Variants in PTCHD4 observed in about 807,000 individuals in gnomAD.
PTCHD4 encodes the protein patched domain-containing protein 4.
A neutral mutation model predicts 58.1 loss-of-function variants in PTCHD4; 33 were observed. The ratio of observed to expected loss-of-function variants is 0.57; its 90% confidence interval spans 0.43 to 0.76. The LOEUF is 0.76. Among genes scored for constraint, PTCHD4 ranks in the 30% least tolerant of loss-of-function variants. The pLI is 0.00. For missense variants in PTCHD4, 1,058 were observed against 1,027.1 expected, an observed-to-expected ratio of 1.03 and a Z score of -0.41; for synonymous variants, 478 against 409.6, an observed-to-expected ratio of 1.17 and a Z score of -2.02.
At chr6:47,903,431 C>T (rs113271961) in intron 4 of PTCHD4, among the ~76,000 whole-genome samples, 2,714 of 152,216 alleles carry the variant, frequency 0.018, 29 homozygotes, top group South Asian at 0.05. Flanking sequence ...ATTCTCTCAC[C>T]TCAGCCTCCC....
At chr6:48,067,586 G>A (rs549906393) in intron 3 of PTCHD4, among the ~76,000 whole-genome samples, 2 of 152,120 alleles carry the variant, frequency 1.3e-5, no homozygotes, top group African/African-American at 4.8e-5. Context: ...CACTCACACG[G>A]CACCAAAACA....
intron 3 of PTCHD4, among the ~76,000 whole-genome samples, chr6:48,014,820 C>T (rs1208445436): frequency 6.6e-6 from 1 of 152,004 alleles, no homozygotes; most frequent in Non-Finnish European, 1.5e-5. Context: ...GAAGTTAAAC[C>T]TACTAAAGGG....
At chr6:47,962,853 A>G (rs1245588546) in intron 4 of PTCHD4, among the ~76,000 whole-genome samples, 2 of 151,986 alleles carry the variant, frequency 1.3e-5, no homozygotes, top group Admixed American at 6.6e-5. Context: ...ACAAGGTAAC[A>G]AATAACCTGA....
At chr6:47,948,644 T>C (rs1485273377) in intron 4 of PTCHD4, among the ~76,000 whole-genome samples, 1 of 152,206 alleles carries the variant, frequency 6.6e-6, no homozygotes, top group Non-Finnish European at 1.5e-5. Flanking sequence ...TGGATTTCTG[T>C]ACTATTCTTC....
At chr6:48,096,750 C>T (rs935932325) in intron 1 of PTCHD4, among the ~76,000 whole-genome samples, 4 of 152,034 alleles carry the variant, frequency 2.6e-5, no homozygotes, top group Non-Finnish European at 4.4e-5. Context: ...TCTATGCTAC[C>T]TTGGAGAATT....
At chr6:47,915,570 G>A (rs985804572) in intron 4 of PTCHD4, among the ~76,000 whole-genome samples, 1 of 80,384 alleles carries the variant, frequency 1.2e-5, no homozygotes, top group Admixed American at 1.7e-4. Flanking sequence ...ATAGAAGACA[G>A]ATTTTTTTTT....
chr6:47,898,046 G>A (rs1214400874), intron 4 of PTCHD4, among the ~76,000 whole-genome samples: 1 of 140,354 alleles, frequency 7.1e-6, no homozygotes, highest in East Asian at 2.5e-4. Context: ...TTGGGTTCAA[G>A]CAATTCTCCT....
intron 1 of PTCHD4, among the ~76,000 whole-genome samples, chr6:48,088,974 G>A (rs1765312962): frequency 6.6e-6 from 1 of 152,130 alleles, no homozygotes; most frequent in African/African-American, 2.4e-5. Flanking sequence ...GAACCCAGGA[G>A]GCGGAGGTTG....
chr6:48,076,342 C>T (rs894122887), intron 1 of PTCHD4, among the ~76,000 whole-genome samples: 3 of 152,204 alleles, frequency 2.0e-5, no homozygotes, highest in African/African-American at 7.2e-5. Context: ...GAATCAACTT[C>T]CTCCAAACTC....
intron 4 of PTCHD4, among the ~76,000 whole-genome samples, chr6:47,922,866 C>A (rs1765479611): frequency 6.6e-6 from 1 of 152,164 alleles, no homozygotes; most frequent in Non-Finnish European, 1.5e-5. Context: ...GCCTGGTTCC[C>A]AATTACTGCT....
chr6:48,065,118 G>A (rs1764753559), intron 3 of PTCHD4, among the ~76,000 whole-genome samples: 1 of 152,110 alleles, frequency 6.6e-6, no homozygotes, highest in Admixed American at 6.5e-5. Context: ...CTCCCTGGGT[G>A]TCTTAATAAT....
intron 4 of PTCHD4, among the ~76,000 whole-genome samples, chr6:47,956,379 A>T (rs1054624786): frequency 6.6e-5 from 10 of 152,236 alleles, no homozygotes; most frequent in African/African-American, 2.4e-4. Context: ...CTCAGGATCA[A>T]AGAGCTAGAC....
intron 3 of PTCHD4, among the ~76,000 whole-genome samples, chr6:48,044,943 T>C (rs1763980489): frequency 6.6e-6 from 1 of 151,840 alleles, no homozygotes; most frequent in South Asian, 2.1e-4. Flanking sequence ...ATCTTAGTGT[T>C]TCCACATCAA....
chr6:48,021,793 A>G (rs1047069355), intron 3 of PTCHD4, among the ~76,000 whole-genome samples: 3 of 152,118 alleles, frequency 2.0e-5, no homozygotes, highest in African/African-American at 7.2e-5. Flanking sequence ...TCAAATTTTT[A>G]TTCTCAAAGA....
rs1764932011 is a variant in PTCHD4, at chr6:48,069,529, T to C, written c.-572A>G. On this transcript the variant is annotated 5_prime_UTR_variant, in exon 2 of 5. Coordinates refer to ENST00000339488, the MANE Select transcript of PTCHD4 (RefSeq NM_001384253.1). ...GATTTCCTCGCAACACCTTCCTCGC[T>C]GTGATTCCACAGACCAGTCCGCTGC... Among the ~76,000 whole-genome samples, 1 of 152,186 alleles carries C rather than the reference T, an allele frequency of 6.6e-6. No individual in the cohort carries two copies. The highest frequency in any genetic ancestry group is 1.5e-5 in the Non-Finnish European group (1 of 68,030).
chr6:48,043,706 G>A (rs1763929283), intron 3 of PTCHD4, among the ~76,000 whole-genome samples: 1 of 151,828 alleles, frequency 6.6e-6, no homozygotes, highest in South Asian at 2.1e-4. Context: ...ACCAAAAATA[G>A]GTGCCAAGCT....
At chr6:48,103,594 G>T (rs950441316) in intron 1 of PTCHD4, among the ~76,000 whole-genome samples, 7 of 152,162 alleles carry the variant, frequency 4.6e-5, no homozygotes, top group African/African-American at 1.7e-4. Flanking sequence ...AACAAAGCTG[G>T]ATGGAGAATG....
At position 47,874,559 on chromosome 6, in the gene PTCHD4, C is replaced by T. The variant is rs569394727; in HGVS notation, c.*3744G>A. ...CAAGCCTAGAAGGATTAGCTTATTA[C>T]GGGGAAATGTGATAGATAATTACAA... On this transcript the variant is annotated 3_prime_UTR_variant, in exon 5 of 5. Coordinates refer to ENST00000339488, the MANE Select transcript of PTCHD4 (RefSeq NM_001384253.1). Among the ~76,000 whole-genome samples, 69 of 151,596 alleles carry T rather than the reference C, an allele frequency of 4.6e-4. No homozygotes were observed. Among genetic ancestry groups the T allele is most frequent in the Middle Eastern group, 3.2e-3 (1 of 316 alleles).
At chr6:48,043,842 C>A (rs373621874) in intron 3 of PTCHD4, among the ~76,000 whole-genome samples, 1 of 151,824 alleles carries the variant, frequency 6.6e-6, no homozygotes, top group Non-Finnish European at 1.5e-5. Flanking sequence ...AGAATTCTAG[C>A]AGATCTTAAG....
Sources: allele counts gnomAD v4.1 joint callset (sites outside exome capture counted in the v4.1 genomes callset), GRCh38; gene constraint gnomAD v4.1.1; transcripts MANE v1.5; gene names NCBI Gene and HGNC (gene_info 2026-07-23, HGNC 2026-07-21).